PDZD2: variants seen among roughly 807,000 people sequenced by gnomAD.
PDZD2 encodes the protein PDZ domain containing 2.
In PDZD2, 90 loss-of-function variants were observed where a neutral mutation model predicts 220.7. The ratio of observed to expected loss-of-function variants is 0.41; its 90% CI spans 0.34 to 0.49. The LOEUF (loss-of-function observed/expected upper bound fraction) is 0.49. Ranked by LOEUF, PDZD2 falls within the 20% of genes least tolerant of loss-of-function variation. The pLI is 0.28. For missense variants in PDZD2, 3,174 were observed against 3,608.5 expected, an observed-to-expected ratio of 0.88 and a Z score of 3.08; for synonymous variants, 1,375 against 1,450.5, an observed-to-expected ratio of 0.95 and a Z score of 1.18.
At chr5:31,927,033 T>A (rs1424542978) in intron 2 of PDZD2, among the ~76,000 whole-genome samples, 2 of 152,142 alleles carry the variant, frequency 1.3e-5, no homozygotes, top group East Asian at 3.8e-4. Context: ...TTCATAGACA[T>A]AAATATGGCA....
intron 1 of PDZD2, among the ~76,000 whole-genome samples, chr5:31,672,981 A>C (rs1477353704): frequency 1.3e-5 from 2 of 152,246 alleles, no homozygotes; most frequent in Non-Finnish European, 2.9e-5. Context: ...CCTTATTGGG[A>C]ATAGGAAACA....
At chr5:32,036,161 G>A (rs1289673297) in intron 6 of PDZD2, among the ~76,000 whole-genome samples, 2 of 152,062 alleles carry the variant, frequency 1.3e-5, no homozygotes, top group African/African-American at 4.8e-5. Flanking sequence ...GGGTTTCACT[G>A]TTTTAGCCAT....
intron 2 of PDZD2, among the ~76,000 whole-genome samples, chr5:31,968,087 G>C (rs1266791116): frequency 7.2e-5 from 11 of 152,204 alleles, no homozygotes; most frequent in African/African-American, 2.7e-4. Flanking sequence ...GCCTTGGGGA[G>C]GTGATTAGAT....
chr5:31,847,601 T>C, intron 2 of PDZD2: 1 of 657,504 alleles, frequency 1.5e-6, no homozygotes, highest in South Asian at 1.4e-5. Context: ...TTCAGTAGGT[T>C]TGGCATGGGC....
intron 1 of PDZD2, among the ~76,000 whole-genome samples, chr5:31,659,096 C>A (rs772866625): frequency 6.6e-4 from 100 of 152,274 alleles, no homozygotes; most frequent in Non-Finnish European, 1.3e-3. Context: ...AAACTCTATT[C>A]TCCTGGCTTC....
rs780285681 is a variant in PDZD2, at chr5:31,983,247, A to G, written c.569A>G (p.Asn190Ser). Residue 190 changes from asparagine (N) to serine (S), a missense_variant, in exon 3 of 25, where the codon AAC becomes AGC. Asn to Ser is a conservative substitution (Grantham distance 46). Transcript: ENST00000438447. ...AAAGCCCACTCCACTTATAATGGCAACAGTAGCAACAGCTCTGAACCAGGA... is the reference window on the plus strand; with the variant it reads ...AAAGCCCACTCCACTTATAATGGCAGCAGTAGCAACAGCTCTGAACCAGGA... ...KHKAHSTYNG[N>S]SSNSSEPGET... The G allele has an allele frequency of 4.3e-6, 7 of 1,614,168 alleles. No individual in the cohort carries two copies. In the South Asian group the frequency reaches 6.6e-5, roughly 15 times the overall value.
chr5:31,749,740 T>G (rs934294117), intron 1 of PDZD2, among the ~76,000 whole-genome samples: 2 of 152,146 alleles, frequency 1.3e-5, no homozygotes, highest in Admixed American at 1.3e-4. Flanking sequence ...GTGATTGTAC[T>G]GTCTTCACCT....
rs563927088 is a variant in PDZD2 at position 32,108,878 on chromosome 5, A to C, written c.*743A>C. The C allele has an allele frequency of 2.6e-5, 4 of 152,810 alleles. No individual in the cohort carries two copies. In the South Asian group the frequency reaches 8.3e-4, roughly 32 times the overall value. The allele number at this position is 152,810 out of a possible 1,614,324, so 9.5% of individuals were successfully genotyped here. On this transcript the variant is annotated 3_prime_UTR_variant, in exon 25 of 25. Transcript: ENST00000438447. ...GTAAGCCATAAGGCTGTTTTACAGA[A>C]TAGCACTTCTGATAAGCTGTATTAA...
intron 2 of PDZD2, among the ~76,000 whole-genome samples, chr5:31,919,637 C>T (rs73064475): frequency 0.27 from 40,393 of 150,522 alleles, 6,914 homozygotes; most frequent in African/African-American, 0.47. Context: ...TGAGCCACAG[C>T]GCCCGGCCGT....
chr5:32,003,341 A>C (rs1237726689), intron 5 of PDZD2, among the ~76,000 whole-genome samples: 3 of 52,012 alleles, frequency 5.8e-5, no homozygotes, highest in Non-Finnish European at 1.1e-4. Flanking sequence ...CCACCACACC[A>C]CACACACACC....
chr5:31,822,271 CTTTTT>C (rs34010630), intron 2 of PDZD2, among the ~76,000 whole-genome samples: 213 of 100,576 alleles, frequency 2.1e-3, no homozygotes, highest in African/African-American at 6.2e-3. Flanking sequence ...TTCACGCAAT[CTTTTT>C]TTTTTTTTTT....
intron 1 of PDZD2, among the ~76,000 whole-genome samples, chr5:31,674,812 T>A (rs1433538453): frequency 1.3e-5 from 2 of 152,158 alleles, no homozygotes; most frequent in African/African-American, 4.8e-5. Context: ...TTCCATTATT[T>A]CATGTAATCA....
intron 2 of PDZD2, among the ~76,000 whole-genome samples, chr5:31,833,211 G>A (rs971624401): frequency 3.3e-5 from 5 of 152,184 alleles, no homozygotes; most frequent in Non-Finnish European, 2.9e-5. Context: ...ACTCATGCCT[G>A]TAATCCCGGT....
intron 6 of PDZD2, among the ~76,000 whole-genome samples, chr5:32,028,348 T>C (rs1754839624): frequency 6.6e-6 from 1 of 152,174 alleles, no homozygotes; most frequent in Non-Finnish European, 1.5e-5. Context: ...TCATGGGCAA[T>C]GATGGTTTGC....
chr5:31,873,932 G>A (rs1739071644), intron 2 of PDZD2, among the ~76,000 whole-genome samples: 1 of 151,968 alleles, frequency 6.6e-6, no homozygotes, highest in Admixed American at 6.6e-5. Context: ...GTTTCTCTGT[G>A]TTGGTCAGAC....
chr5:31,908,105 A>AAAAG (rs1312366276), intron 2 of PDZD2, among the ~76,000 whole-genome samples: 14 of 145,978 alleles, frequency 9.6e-5, no homozygotes, highest in African/African-American at 3.3e-4. Context: ...AAAAAAAAAA[A>AAAAG]AAAGAAAGAA....
chr5:31,919,329 A>G (rs1184097022), intron 2 of PDZD2, among the ~76,000 whole-genome samples: 1 of 151,016 alleles, frequency 6.6e-6, no homozygotes, highest in African/African-American at 2.4e-5. Flanking sequence ...TTAGCCCCAT[A>G]GTTGTTTAAC....
chr5:31,749,577 C>A (rs573217812), intron 1 of PDZD2, among the ~76,000 whole-genome samples: 3 of 152,130 alleles, frequency 2.0e-5, no homozygotes, highest in Non-Finnish European at 4.4e-5. Context: ...GCGCCCGCCA[C>A]CATGCCTGGC....
intron 2 of PDZD2, chr5:31,840,699 T>C (rs12518801): frequency 0.18 from 136,667 of 757,182 alleles, 14,321 homozygotes; most frequent in East Asian, 0.39. Context: ...GTGCTCAATA[T>C]GCACATTAAT....
Sources: gnomAD v4.1 joint callset for allele counts (sites outside exome capture counted in the v4.1 genomes callset) on GRCh38, gnomAD v4.1.1 for gene constraint, MANE v1.5 for transcripts, NCBI Gene and HGNC (gene_info 2026-07-23, HGNC 2026-07-21) for gene names.